FBXW11: variants seen among roughly 807,000 people sequenced by gnomAD.
FBXW11 encodes F-box and WD repeat domain containing 11.
Under a neutral mutation model 77.6 loss-of-function variants are expected in FBXW11, and 19 were observed. That is an observed-to-expected ratio of 0.24 (90% CI 0.17 to 0.36). The LOEUF is 0.36. Among genes scored for constraint, FBXW11 ranks in the 10% least tolerant of loss-of-function variants. FBXW11 has a pLI of 1.00. For missense variants in FBXW11, 334 were observed against 704.2 expected, an observed-to-expected ratio of 0.47 and a Z score of 5.95; for synonymous variants, 235 against 249.4, an observed-to-expected ratio of 0.94 and a Z score of 0.54.
At chr5:171,947,343 T>C (rs1392010619) in intron 2 of FBXW11, among the ~76,000 whole-genome samples, 1 of 152,228 alleles carries the variant, frequency 6.6e-6, no homozygotes, top group Admixed American at 6.5e-5. Context: ...ATTTCTATTA[T>C]AATCATACAT....
At chr5:171,977,322 A>G (rs1038570448) in intron 1 of FBXW11, among the ~76,000 whole-genome samples, 79 of 151,844 alleles carry the variant, frequency 5.2e-4, no homozygotes, top group African/African-American at 7.3e-4. Context: ...AAAAAAAAAA[A>G]AAAGAAAGAA....
At chr5:171,937,553 G>C (rs555034536) in intron 2 of FBXW11, among the ~76,000 whole-genome samples, 1 of 152,160 alleles carries the variant, frequency 6.6e-6, no homozygotes, top group South Asian at 2.1e-4. Flanking sequence ...AACGCAGTGG[G>C]GGCCGGATAC....
chr5:171,913,834 C>CAT (rs1343550684), intron 3 of FBXW11, among the ~76,000 whole-genome samples: 11 of 138,182 alleles, frequency 8.0e-5, no homozygotes, highest in African/African-American at 2.5e-4. Context: ...CACACACACA[C>CAT]ACACACACAC....
chr5:171,914,856 T>C (rs1254767947), intron 2 of FBXW11, among the ~76,000 whole-genome samples: 1 of 152,186 alleles, frequency 6.6e-6, no homozygotes, highest in Non-Finnish European at 1.5e-5. Flanking sequence ...TGCCTTCGTC[T>C]TTCCTCCCCT....
chr5:171,894,903 T>C (rs1439699725), intron 6 of FBXW11, among the ~76,000 whole-genome samples: 1 of 152,140 alleles, frequency 6.6e-6, no homozygotes, highest in East Asian at 1.9e-4. Flanking sequence ...TGGTAGCAGT[T>C]ATGTTCTTCT....
At position 171,921,141 on chromosome 5, in the gene FBXW11, C is replaced by T. The variant is rs143926712; in HGVS notation, c.148-6736G>A. ...CAATAATCCTAGAATCTCTTCTGTA[C>T]ATTCCCCCTTCTCTCTTTCATACCA... On this transcript the variant is annotated intron_variant, in intron 2 of 13. Transcript: ENST00000517395. Among the ~76,000 whole-genome samples the T allele has an allele frequency of 3.4e-3, 516 of 152,320 alleles. 1 individual carries two copies. The highest frequency in any genetic ancestry group is 5.8e-3 in the Non-Finnish European group (392 of 68,022).
At chr5:171,988,614 G>A (rs1310133218) in intron 1 of FBXW11, among the ~76,000 whole-genome samples, 3 of 152,116 alleles carry the variant, frequency 2.0e-5, no homozygotes, top group African/African-American at 7.2e-5. Context: ...GGAGGCCAAG[G>A]CAGGCAGATC....
chr5:171,917,745 T>C (rs928065949), intron 2 of FBXW11, among the ~76,000 whole-genome samples: 1 of 147,456 alleles, frequency 6.8e-6, no homozygotes, highest in African/African-American at 2.5e-5. Context: ...GCTATACACA[T>C]CCTTGCACTC....
At chr5:171,925,957 G>T (rs1761868238) in intron 2 of FBXW11, among the ~76,000 whole-genome samples, 1 of 152,002 alleles carries the variant, frequency 6.6e-6, no homozygotes, top group Non-Finnish European at 1.5e-5. Flanking sequence ...TATTTTAAGT[G>T]GGAAAAAAGC....
intron 13 of FBXW11, 106 bp downstream of exon 13, chr5:171,868,504 G>T: frequency 1.1e-6 from 1 of 883,516 alleles, no homozygotes; most frequent in Non-Finnish European, 1.8e-6. Context: ...ACACGTCTAA[G>T]AGAGACCTTG....
chr5:171,995,737 A>G (rs1766006118), intron 1 of FBXW11, among the ~76,000 whole-genome samples: 1 of 151,924 alleles, frequency 6.6e-6, no homozygotes, highest in Non-Finnish European at 1.5e-5. Flanking sequence ...TGGGCGACAG[A>G]GCGAGACTCC....
intron 2 of FBXW11, among the ~76,000 whole-genome samples, chr5:171,921,225 G>A (rs539435485): frequency 1.3e-5 from 2 of 152,302 alleles, no homozygotes; most frequent in African/African-American, 2.4e-5. Flanking sequence ...TTTAGTTTAT[G>A]TATAGGTACA....
intron 2 of FBXW11, among the ~76,000 whole-genome samples, chr5:171,928,902 G>A (rs573472844): frequency 6.7e-5 from 10 of 150,244 alleles, no homozygotes; most frequent in East Asian, 4.0e-4. Context: ...GTCAACCCCC[G>A]TCTCTACTAA....
chr5:171,989,591 C>T (rs542139570), intron 1 of FBXW11, among the ~76,000 whole-genome samples: 14 of 152,348 alleles, frequency 9.2e-5, no homozygotes, highest in African/African-American at 3.4e-4. Context: ...CACAAGGTTA[C>T]ACATCCTACA....
chr5:171,976,297 G>C (rs1764825853), intron 1 of FBXW11, among the ~76,000 whole-genome samples: 1 of 152,156 alleles, frequency 6.6e-6, no homozygotes, highest in East Asian at 1.9e-4. Context: ...TCAATTACGA[G>C]ATGGTACTGA....
At chr5:171,909,635 G>A (rs911535142) in intron 4 of FBXW11, among the ~76,000 whole-genome samples, 6 of 152,096 alleles carry the variant, frequency 3.9e-5, no homozygotes, top group African/African-American at 1.4e-4. Context: ...ACCTCAAACT[G>A]CTCTAAAAAT....
At chr5:171,942,633 C>T (rs1455351052) in intron 2 of FBXW11, among the ~76,000 whole-genome samples, 2 of 152,032 alleles carry the variant, frequency 1.3e-5, no homozygotes, top group Non-Finnish European at 2.9e-5. Flanking sequence ...AACCCCGTCT[C>T]TACAAAAAAA....
At chr5:171,871,808 T>C (rs982535369) in intron 10 of FBXW11, among the ~76,000 whole-genome samples, 15 of 152,234 alleles carry the variant, frequency 9.9e-5, no homozygotes, top group African/African-American at 2.9e-4. Context: ...CCCGTGATGA[T>C]AGCATCTCTA....
chr5:171,996,576 T>C (rs928564243), intron 1 of FBXW11, among the ~76,000 whole-genome samples: 2 of 152,156 alleles, frequency 1.3e-5, no homozygotes, highest in African/African-American at 4.8e-5. Context: ...GGCAGGAAGA[T>C]CGTGTGAGGC....
Sources: gnomAD v4.1 joint callset for allele counts (sites outside exome capture counted in the v4.1 genomes callset) on GRCh38, gnomAD v4.1.1 for gene constraint, MANE v1.5 for transcripts, NCBI Gene and HGNC (gene_info 2026-07-23, HGNC 2026-07-21) for gene names.